FBXO31: variants seen among roughly 807,000 people sequenced by gnomAD.
FBXO31 encodes F-box only protein 31.
Under a neutral mutation model 54.4 loss-of-function variants are expected in FBXO31, and 24 were observed. That is an observed-to-expected ratio of 0.44 (90% CI 0.32 to 0.62). FBXO31 has a LOEUF of 0.62. Among genes scored for constraint, FBXO31 ranks in the 20% least tolerant of loss-of-function variants. The pLI is 0.05. For missense variants in FBXO31, 665 were observed against 787.1 expected (o/e 0.84, Z 1.86); for synonymous variants, 388 against 335.6 (o/e 1.16, Z -1.71).
chr16:87,382,661 G>T (rs1016962345), intron 1 of FBXO31, among the ~76,000 whole-genome samples: 1 of 152,044 alleles, frequency 6.6e-6, no homozygotes, highest in East Asian at 1.9e-4. Flanking sequence ...AGACCAAGTC[G>T]CACTCTGTCG....
chr16:87,330,328 A>C lies in FBXO31; in HGVS notation c.*960T>G, dbSNP rs1430065934. The stretch of plus-strand genomic sequence containing the variant: ...TCTAGAAAGCTGTCCCCTCACCTGC[A>C]AAGGGGTTTCCTCGTCATCTCATAT... On this transcript the variant is annotated 3_prime_UTR_variant, in exon 9 of 9. Transcript: ENST00000311635. 6.6e-6 allele frequency: 1 copy of C among 152,280 alleles called. No homozygotes were observed. Among genetic ancestry groups the C allele is most frequent in the Non-Finnish European group, 1.5e-5 (1 of 68,086 alleles). The allele number at this position is 152,280 out of a possible 1,614,324, so 9.4% of individuals were successfully genotyped here.
At chr16:87,343,214 G>GC (rs1182684158) in intron 4 of FBXO31, among the ~76,000 whole-genome samples, 1 of 152,286 alleles carries the variant, frequency 6.6e-6, no homozygotes, top group Admixed American at 6.5e-5. Flanking sequence ...CAAAAGGGCT[G>GC]CATCTCACAC....
chr16:87,369,133 G>A (rs1906490224), intron 1 of FBXO31, among the ~76,000 whole-genome samples: 1 of 151,782 alleles, frequency 6.6e-6, no homozygotes, highest in Middle Eastern at 3.4e-3. Flanking sequence ...TCTTGTAAGA[G>A]GTCATCTTCT....
At chr16:87,378,368 G>A (rs1330485545) in intron 1 of FBXO31, among the ~76,000 whole-genome samples, 2 of 152,138 alleles carry the variant, frequency 1.3e-5, no homozygotes, top group Admixed American at 6.5e-5. Context: ...AATAAATGGT[G>A]AATAAAATTC....
chr16:87,333,939 C>G lies in FBXO31; in HGVS notation c.1344G>C (p.Leu448=), dbSNP rs1904952956. 2 of 1,612,134 alleles carry G rather than the reference C, an allele frequency of 1.2e-6. No individual in the cohort carries two copies. The highest frequency in any genetic ancestry group is 1.7e-6 in the Non-Finnish European group (2 of 1,179,394). Residue 448 remains leucine (L), a synonymous_variant, in exon 8 of 9, where the codon CTG becomes CTC. Transcript: ENST00000311635. ...AQCGQGQPFV[L]PVGVSSRNED... Reference sequence around the variant, plus strand: ...CATTCCTGGAGCTCACGCCCACGGGCAGCACGAACGGCTGCCCCTGCCCAC... The same window carrying G: ...CATTCCTGGAGCTCACGCCCACGGGGAGCACGAACGGCTGCCCCTGCCCAC...
intron 1 of FBXO31, among the ~76,000 whole-genome samples, chr16:87,360,651 T>A (rs943295478): frequency 6.6e-6 from 1 of 152,220 alleles, no homozygotes; most frequent in Non-Finnish European, 1.5e-5. Flanking sequence ...CAAACCAATA[T>A]CAGACAATCC....
chr16:87,331,849 G>A (rs1904871667), intron 8 of FBXO31, among the ~76,000 whole-genome samples: 1 of 152,192 alleles, frequency 6.6e-6, no homozygotes, highest in African/African-American at 2.4e-5. Flanking sequence ...ACTAAAACGA[G>A]GTCTCTGCAG....
Position 87,331,009 on chromosome 16 carries a change from C to G in FBXO31, c.*279G>C. 1 of 371,740 alleles carries G rather than the reference C, an allele frequency of 2.7e-6. No homozygotes were observed. The highest frequency in any genetic ancestry group is 5.0e-6 in the Non-Finnish European group (1 of 199,264). The allele number at this position is 371,740 out of a possible 1,614,324, so 23.0% of individuals were successfully genotyped here. On this transcript the variant is annotated 3_prime_UTR_variant, in exon 9 of 9. Coordinates refer to ENST00000311635, the MANE Select transcript of FBXO31 (RefSeq NM_024735.5). Reference sequence around the variant, plus strand: ...GGGAACCCCACCGCTTCAATTCTCACGCGGTCCCACGGCTGTCCCCTACAT... The same window carrying G: ...GGGAACCCCACCGCTTCAATTCTCAGGCGGTCCCACGGCTGTCCCCTACAT...
upstream of FBXO31, among the ~76,000 whole-genome samples, chr16:87,384,672 G>A (rs1203113415): frequency 6.6e-6 from 1 of 152,242 alleles, no homozygotes; most frequent in African/African-American, 2.4e-5. Flanking sequence ...GGCCCAGGCG[G>A]GAGTATCAAT....
chr16:87,341,226 CAGAAGT>C (rs1905183412), intron 5 of FBXO31, among the ~76,000 whole-genome samples: 1 of 152,202 alleles, frequency 6.6e-6, no homozygotes, highest in Non-Finnish European at 1.5e-5. Context: ...AGCCCACACA[CAGAAGT>C]AGGCTTACAG....
At chr16:87,379,748 C>T (rs1249781810) in intron 1 of FBXO31, among the ~76,000 whole-genome samples, 1 of 151,882 alleles carries the variant, frequency 6.6e-6, no homozygotes, top group Non-Finnish European at 1.5e-5. Flanking sequence ...CCACCACACC[C>T]AGCTAATTTT....
Position 87,328,731 on chromosome 16 carries a change from C to T in FBXO31, c.*2557G>A, listed in dbSNP as rs1027428822. ...CTGCAGGCAGCCCCACTCCAGAGAG[C>T]AGACTTGATCCTGCCCCAGAGTGAG... On this transcript the variant is annotated 3_prime_UTR_variant, in exon 9 of 9. Transcript: ENST00000311635. 1.3e-5 allele frequency: 2 copies of T among 152,290 alleles called. No individual in the cohort carries two copies. The highest frequency in any genetic ancestry group is 4.8e-5 in the African/African-American group (2 of 41,468). 9.4% of individuals were successfully genotyped at this position (152,290 alleles called of 1,614,324 possible).
At chr16:87,372,649 C>G (rs115476411) in intron 1 of FBXO31, among the ~76,000 whole-genome samples, 62 of 152,210 alleles carry the variant, frequency 4.1e-4, no homozygotes, top group Non-Finnish European at 7.1e-4. Context: ...CAGACTCAAA[C>G]TCCTGGGCTC....
Position 87,383,366 on chromosome 16 carries a change from C to G in FBXO31, c.340+39G>C, listed in dbSNP as rs1907170436. On this transcript the variant is annotated intron_variant, in intron 1 of 8. Coordinates refer to ENST00000311635, the MANE Select transcript of FBXO31 (RefSeq NM_024735.5). This position sits in a 1 kb window ranked among gnomAD's most constrained non-coding sequence, Gnocchi z 4.9. ...TCCGAGGCCTCCACCTGGCAGGGAC[C>G]CCCCGCCCCTCCCGGCCCCGCCACC... 22 of 1,422,860 alleles carry G rather than the reference C, an allele frequency of 1.5e-5. No homozygotes were observed. Among genetic ancestry groups the G allele is most frequent in the Non-Finnish European group, 2.0e-5 (21 of 1,049,290 alleles). 88.1% of individuals were successfully genotyped at this position (1,422,860 alleles called of 1,614,324 possible).
chr16:87,392,103 A>G (rs1907586224), upstream of FBXO31: 1 of 262,984 alleles, frequency 3.8e-6, no homozygotes, highest in Admixed American at 5.5e-5. Flanking sequence ...TCAGGCGCCC[A>G]GCGGTGCTGG....
intron 5 of FBXO31, among the ~76,000 whole-genome samples, chr16:87,341,622 C>T (rs1419648243): frequency 7.1e-6 from 1 of 140,088 alleles, no homozygotes; most frequent in Admixed American, 7.4e-5. Flanking sequence ...CGTCACTGCA[C>T]TCCAGCCTGG....
At chr16:87,348,715 T>C (rs1451783602) in intron 2 of FBXO31, among the ~76,000 whole-genome samples, 4 of 152,090 alleles carry the variant, frequency 2.6e-5, no homozygotes, top group Non-Finnish European at 2.9e-5. Context: ...GGACAGAAAG[T>C]GCTGGGAGCC....
At chr16:87,374,348 A>G (rs891458351) in intron 1 of FBXO31, among the ~76,000 whole-genome samples, 4 of 152,168 alleles carry the variant, frequency 2.6e-5, no homozygotes, top group African/African-American at 7.2e-5. Flanking sequence ...GCCCACCTTA[A>G]ATGAACTCAG....
At chr16:87,348,008 C>T (rs920659561) in intron 2 of FBXO31, among the ~76,000 whole-genome samples, 5 of 152,226 alleles carry the variant, frequency 3.3e-5, no homozygotes, top group Non-Finnish European at 7.3e-5. Flanking sequence ...TCAGGTCAGG[C>T]TGGGCCATCT....
Sources: gnomAD v4.1 joint callset for allele counts (sites outside exome capture counted in the v4.1 genomes callset) on GRCh38, gnomAD v4.1.1 for gene constraint, Gnocchi (gnomAD v3.1) non-coding constraint, MANE v1.5 for transcripts, NCBI Gene and HGNC (gene_info 2026-07-23, HGNC 2026-07-21) for gene names.